Variants in CFHR4 observed in about 807,000 individuals in gnomAD.
CFHR4 encodes the protein complement factor H related 4.
A neutral mutation model predicts 69.3 loss-of-function variants in CFHR4; 64 were observed. That is an observed-to-expected ratio of 0.92 (90% CI 0.76 to 1.14). CFHR4 has a LOEUF of 1.14. CFHR4 is among the 50% of genes most tolerant of loss of function. CFHR4 has a pLI of 0.00. For missense variants in CFHR4, 636 were observed against 684.9 expected, an observed-to-expected ratio of 0.93 and a Z score of 0.80; for synonymous variants, 244 against 237.0, an observed-to-expected ratio of 1.03 and a Z score of -0.27.
Position 196,903,224 on chromosome 1 carries a change from T to C in CFHR4, c.256+609T>C, listed in dbSNP as rs1324159809. ...ACTGGAAAATTTTGTACATCAACTC[T>C]GAAGCCGAATTTATGTCTTTTTATT... is the stretch of plus-strand genomic sequence containing the variant. On this transcript the variant is annotated intron_variant, in intron 2 of 9. Transcript: ENST00000608469. Among the ~76,000 whole-genome samples, 3 of 151,470 alleles carry C rather than the reference T, an allele frequency of 2.0e-5. 1 individual carries two copies. Among genetic ancestry groups the C allele is most frequent in the African/African-American group, 7.3e-5 (3 of 41,042 alleles).
At position 196,914,621 on chromosome 1, in the gene CFHR4, G is replaced by A. The variant is rs762070970; in HGVS notation, c.1307G>A (p.Gly436Asp). The A allele has an allele frequency of 1.1e-5, 17 of 1,610,794 alleles. No individual in the cohort carries two copies. The South Asian group carries it at 1.7e-4, about 16-fold the overall frequency. The change falls in exon 8 of 10, where the codon GGT (glycine) becomes GAT (aspartate). Residue 436 changes from glycine (G) to aspartate (D), a missense_variant. Gly to Asp is a moderately conservative substitution (Grantham distance 94, BLOSUM62 -1). This residue lies in a region of CFHR4 where 529 missense variants were observed against 533.2 expected (regional missense o/e 0.99). Transcript: ENST00000608469. ...GAAATCAGTTATGGAAACACCACAG[G>A]TTCCATAGTGTGTGGTGAAGATGGG... ...GYEISYGNTT[G>D]SIVCGEDGWS... is the part of the protein sequence containing the mutation.
Position 196,915,126 on chromosome 1 carries a change from C to T in CFHR4, c.1528C>T (p.Pro510Ser). The T allele has an allele frequency of 1.2e-6, 2 of 1,609,152 alleles. No homozygotes were observed. Among genetic ancestry groups the T allele is most frequent in the South Asian group, 1.1e-5 (1 of 90,706 alleles). ...TCSNGEWSEPPRCIHPCIITE... is the reference protein window; with the variant it reads ...TCSNGEWSEPSRCIHPCIITE... Reference sequence around the variant, plus strand: ...TAGTAATGGAGAGTGGTCGGAACCACCAAGATGCATACGTAAGTTCTTAAA... The same window carrying T: ...TAGTAATGGAGAGTGGTCGGAACCATCAAGATGCATACGTAAGTTCTTAAA... Residue 510 changes from proline (P) to serine (S), a missense_variant, in exon 9 of 10, where the codon CCA becomes TCA. Physicochemically the swap from Pro to Ser is moderately conservative, Grantham distance 74. This residue lies in a region of CFHR4 where 22 missense variants were observed against 72.8 expected (regional missense o/e 0.30). Transcript: ENST00000608469.
At chr1:196,916,835 G>A (rs1389909571) in intron 9 of CFHR4, among the ~76,000 whole-genome samples, 1 of 151,412 alleles carries the variant, frequency 6.6e-6, no homozygotes, top group East Asian at 1.9e-4. Context: ...CATGATACAA[G>A]CAAGACTTTC....
At position 196,914,239 on chromosome 1, in the gene CFHR4, A is replaced by T. The variant is rs1658446407; in HGVS notation, c.1181-256A>T. On this transcript the variant is annotated intron_variant, in intron 7 of 9. Transcript: ENST00000608469. ...CCAATGAGATTTTTCACAAATAAAA[A>T]TAGGTCTGACCAAATGTTTCTAATA... Among the ~76,000 whole-genome samples the T allele has an allele frequency of 9.9e-5, 15 of 151,628 alleles. 1 individual carries two copies. The South Asian group carries it at 2.9e-3, about 29-fold the overall frequency.
chr1:196,907,299 A>G lies in CFHR4; in HGVS notation c.617-17A>G. On this transcript the variant is annotated splice_polypyrimidine_tract_variant and intron_variant, in intron 4 of 9. Transcript: ENST00000608469. ...AAAACTGTTGATTTTTCCCCAATGTAAAGTATTTTTTTTCAGATTCTTCAG... is the reference window on the plus strand; with the variant it reads ...AAAACTGTTGATTTTTCCCCAATGTGAAGTATTTTTTTTCAGATTCTTCAG... 2 of 1,597,474 alleles carry G rather than the reference A, an allele frequency of 1.3e-6. No individual in the cohort carries two copies. The highest frequency in any genetic ancestry group is 1.7e-6 in the Non-Finnish European group (2 of 1,166,098).
At chr1:196,917,380 G>C (rs1658704932) in intron 9 of CFHR4, among the ~76,000 whole-genome samples, 1 of 151,612 alleles carries the variant, frequency 6.6e-6, no homozygotes, top group Admixed American at 6.6e-5. Context: ...TTTACCTATG[G>C]AACAAACCTG....
At chr1:196,903,113 C>G (rs1657712565) in intron 2 of CFHR4, among the ~76,000 whole-genome samples, 1 of 151,246 alleles carries the variant, frequency 6.6e-6, no homozygotes, top group African/African-American at 2.4e-5. Context: ...TACAGCTGGT[C>G]TCCTCCTCCC....
chr1:196,918,149 A>G (rs1266598678), intron 9 of CFHR4, 61 bp from the exon 10 acceptor site: 2 of 1,530,218 alleles, frequency 1.3e-6, no homozygotes, highest in Admixed American at 3.7e-5. Flanking sequence ...ATTAGGATGC[A>G]TTTTATTTGC....
chr1:196,899,504 T>C lies in CFHR4; in HGVS notation c.59-2914T>C, dbSNP rs115010877. Among the ~76,000 whole-genome samples the C allele has an allele frequency of 8.5e-3, 1,288 of 151,584 alleles. 54 individuals are homozygous for C. Among genetic ancestry groups the C allele is most frequent in the African/African-American group, 0.03 (1,231 of 41,134 alleles). On this transcript the variant is annotated intron_variant, in intron 1 of 9. Coordinates refer to ENST00000608469, the MANE Select transcript of CFHR4 (RefSeq NM_001201550.3). ...TAGACACAAGGTCTTGCTGTGATGC[T>C]TAGGCTGATCTCAAACTGGGCCTCA...
At chr1:196,913,197 T>C (rs1658376834) in intron 7 of CFHR4, among the ~76,000 whole-genome samples, 3 of 151,594 alleles carry the variant, frequency 2.0e-5, no homozygotes, top group Admixed American at 2.0e-4. Context: ...TGCATGAGAA[T>C]AACAGCAAAA....
At chr1:196,894,153 C>G (rs965973956) in intron 1 of CFHR4, among the ~76,000 whole-genome samples, 3 of 151,502 alleles carry the variant, frequency 2.0e-5, no homozygotes, top group African/African-American at 7.3e-5. Flanking sequence ...AGAATTTCAT[C>G]TTTACACATC....
At chr1:196,907,520 T>TC in intron 5 of CFHR4, 22 bp downstream of exon 5, 1 of 1,583,326 alleles carries the variant, frequency 6.3e-7, no homozygotes, top group Non-Finnish European at 8.6e-7. Context: ...ATATTCTGGA[T>TC]CTGAGAAAAT....
intron 3 of CFHR4, among the ~76,000 whole-genome samples, chr1:196,905,961 T>A (rs1248383654): frequency 2.0e-5 from 3 of 151,568 alleles, no homozygotes; most frequent in Non-Finnish European, 2.9e-5. Context: ...TAATGAACAA[T>A]GGAAACCTTG....
At chr1:196,910,239 C>A in intron 5 of CFHR4, 42 bp from the exon 6 acceptor site, 1 of 1,161,078 alleles carries the variant, frequency 8.6e-7, no homozygotes, top group South Asian at 1.6e-5. Flanking sequence ...TTGTCTGTTA[C>A]AGTGAAACAT....
intron 2 of CFHR4, 44 bp downstream of exon 2, chr1:196,902,659 A>G: frequency 7.3e-7 from 1 of 1,365,012 alleles, no homozygotes; most frequent in South Asian, 1.2e-5. Flanking sequence ...AAACTTGAAA[A>G]GAGTGAGAGA....
At chr1:196,892,412 T>C (rs1657088542) in intron 1 of CFHR4, among the ~76,000 whole-genome samples, 1 of 151,550 alleles carries the variant, frequency 6.6e-6, no homozygotes, top group Non-Finnish European at 1.5e-5. Context: ...TTTGTGCCTG[T>C]TGTGTTTGTT....
chr1:196,892,151 G>A (rs371008069), intron 1 of CFHR4, among the ~76,000 whole-genome samples: 5 of 151,606 alleles, frequency 3.3e-5, no homozygotes, highest in African/African-American at 7.3e-5. Flanking sequence ...CAGAATTGCC[G>A]AAGAGACCAT....
chr1:196,896,594 C>T (rs1241815029), intron 1 of CFHR4, among the ~76,000 whole-genome samples: 1 of 151,532 alleles, frequency 6.6e-6, no homozygotes, highest in Non-Finnish European at 1.5e-5. Context: ...CAGGTTGCTC[C>T]ATAAATACAC....
chr1:196,908,769 G>A (rs1202138784), intron 5 of CFHR4, among the ~76,000 whole-genome samples: 2 of 151,532 alleles, frequency 1.3e-5, no homozygotes, highest in African/African-American at 4.9e-5. Context: ...TCCTGTCACA[G>A]CTCTTAAACT....
Sources: gnomAD v4.1 joint callset for allele counts (sites outside exome capture counted in the v4.1 genomes callset) on GRCh38, gnomAD v4.1.1 for gene constraint, gnomAD v4.1.1 regional missense constraint, MANE v1.5 for transcripts, NCBI Gene and HGNC (gene_info 2026-07-23, HGNC 2026-07-21) for gene names.